The following RUNDC3B variants were observed in gnomAD, a reference collection of about 807,000 sequenced individuals.
The protein encoded by RUNDC3B is RUN domain containing 3B, also known as RUN domain-containing protein 3B.
A neutral mutation model predicts 58.4 loss-of-function variants in RUNDC3B; 33 were observed. The observed-to-expected ratio is 0.56, with a 90% CI of 0.43 to 0.75. RUNDC3B has a LOEUF of 0.75. Among genes scored for constraint, RUNDC3B ranks in the 30% least tolerant of loss-of-function variants. The pLI, the probability that RUNDC3B is intolerant of heterozygous loss-of-function variation, is 0.00. For missense variants in RUNDC3B, 501 were observed against 535.7 expected, an observed-to-expected ratio of 0.94 and a Z score of 0.64; for synonymous variants, 193 against 195.2, an observed-to-expected ratio of 0.99 and a Z score of 0.10.
At chr7:87,637,123 G>A (rs1821857569) in intron 1 of RUNDC3B, among the ~76,000 whole-genome samples, 1 of 152,170 alleles carries the variant, frequency 6.6e-6, no homozygotes, top group African/African-American at 2.4e-5. Context: ...CCCATGATAT[G>A]TGGGGATTAT....
intron 6 of RUNDC3B, among the ~76,000 whole-genome samples, chr7:87,756,933 G>A (rs1833407319): frequency 6.6e-6 from 1 of 151,984 alleles, no homozygotes; most frequent in African/African-American, 2.4e-5. Flanking sequence ...ATGACACTGA[G>A]CTTTGTCAAA....
intron 4 of RUNDC3B, among the ~76,000 whole-genome samples, chr7:87,731,465 A>G (rs1051536182): frequency 1.3e-5 from 2 of 152,172 alleles, no homozygotes; most frequent in African/African-American, 4.8e-5. Context: ...CAAAAGACAT[A>G]AAGAGGAGAA....
In RUNDC3B at chr7:87,700,493, T is replaced by C; in HGVS notation, c.311T>C (p.Val104Ala). 1 of 1,613,736 alleles carries C rather than the reference T, an allele frequency of 6.2e-7. No individual in the cohort carries two copies. The highest frequency in any genetic ancestry group is 8.5e-7 in the Non-Finnish European group (1 of 1,179,768). Reference sequence around the variant, plus strand: ...TATATCAGAGTGGCTTGCCGGAAAGTTTCACAGAATTGTATCTGCAGCATT... The same window carrying C: ...TATATCAGAGTGGCTTGCCGGAAAGCTTCACAGAATTGTATCTGCAGCATT... ...WDYIRVACRKVSQNCICSIEN... is the reference protein window; with the variant it reads ...WDYIRVACRKASQNCICSIEN... Residue 104 changes from valine to alanine, a missense_variant, in exon 3 of 11, where the codon GTT becomes GCT. By Grantham distance (64) the Val-to-Ala change is moderately conservative. Transcript: ENST00000394654.
intron 2 of RUNDC3B, among the ~76,000 whole-genome samples, chr7:87,690,049 C>T (rs1226478770): frequency 2.0e-5 from 3 of 151,838 alleles, no homozygotes; most frequent in Non-Finnish European, 4.4e-5. Context: ...AGTCTGATCT[C>T]GAACCGCTGA....
intron 6 of RUNDC3B, among the ~76,000 whole-genome samples, chr7:87,750,591 TC>T (rs1371492534): frequency 1.3e-5 from 2 of 152,224 alleles, no homozygotes; most frequent in Non-Finnish European, 2.9e-5. Context: ...TCAGATGGTA[TC>T]TCATTGTGGT....
intron 2 of RUNDC3B, among the ~76,000 whole-genome samples, chr7:87,661,263 A>C (rs1585031036): frequency 6.6e-6 from 1 of 152,066 alleles, no homozygotes; most frequent in South Asian, 2.1e-4. Flanking sequence ...CATTACAAAC[A>C]ATTCAATTAT....
At chr7:87,810,138 G>A (rs1836633111) in intron 9 of RUNDC3B, among the ~76,000 whole-genome samples, 1 of 152,054 alleles carries the variant, frequency 6.6e-6, no homozygotes, top group South Asian at 2.1e-4. Flanking sequence ...CAACCAGTTA[G>A]CCAAAGACAA....
At chr7:87,799,747 C>A (rs1836024175) in intron 8 of RUNDC3B, among the ~76,000 whole-genome samples, 1 of 151,960 alleles carries the variant, frequency 6.6e-6, no homozygotes, top group African/African-American at 2.4e-5. Flanking sequence ...ATTAGCTGGG[C>A]ATGGTGGCGT....
At chr7:87,776,433 G>T (rs2130880699) in intron 7 of RUNDC3B, among the ~76,000 whole-genome samples, 1 of 152,086 alleles carries the variant, frequency 6.6e-6, no homozygotes, top group South Asian at 2.1e-4. Flanking sequence ...TTTTCAAAAG[G>T]ATATTGACAA....
At chr7:87,693,811 G>A in intron 2 of RUNDC3B, 1 of 1,116,236 alleles carries the variant, frequency 9.0e-7, no homozygotes, top group Non-Finnish European at 1.3e-6. Context: ...AAAATTATAT[G>A]TAGCCATCTT....
chr7:87,663,641 T>C (rs1824936338), intron 2 of RUNDC3B, among the ~76,000 whole-genome samples: 1 of 152,186 alleles, frequency 6.6e-6, no homozygotes, highest in Admixed American at 6.6e-5. Context: ...AAAATCTTAC[T>C]GAACTTAGGA....
At chr7:87,767,792 C>T (rs1453250157) in intron 6 of RUNDC3B, among the ~76,000 whole-genome samples, 1 of 152,130 alleles carries the variant, frequency 6.6e-6, no homozygotes, top group East Asian at 1.9e-4. Context: ...AGGACTGCAT[C>T]AGCTCCTTGT....
intron 6 of RUNDC3B, among the ~76,000 whole-genome samples, chr7:87,745,557 A>G (rs979075307): frequency 6.6e-6 from 1 of 152,182 alleles, no homozygotes; most frequent in Admixed American, 6.5e-5. Context: ...GTATTTTTCC[A>G]TGAATTTATC....
chr7:87,664,278 A>G (rs1825011289), intron 2 of RUNDC3B, among the ~76,000 whole-genome samples: 1 of 152,092 alleles, frequency 6.6e-6, no homozygotes, highest in African/African-American at 2.4e-5. Flanking sequence ...GTACACTATT[A>G]TTGTACCTGG....
intron 2 of RUNDC3B, among the ~76,000 whole-genome samples, chr7:87,655,846 A>C (rs913460969): frequency 4.6e-5 from 7 of 152,144 alleles, no homozygotes; most frequent in African/African-American, 1.7e-4. Context: ...TTAGCTCATA[A>C]GGGCAGAGCC....
At chr7:87,654,144 A>G (rs530833256) in intron 2 of RUNDC3B, among the ~76,000 whole-genome samples, 1 of 152,034 alleles carries the variant, frequency 6.6e-6, no homozygotes. Flanking sequence ...TAAAATGTTT[A>G]TATTAACAAT....
chr7:87,715,658 G>A (rs986521973), intron 4 of RUNDC3B, among the ~76,000 whole-genome samples: 2 of 150,874 alleles, frequency 1.3e-5, no homozygotes, highest in Non-Finnish European at 2.9e-5. Context: ...TTCATCATAG[G>A]AAGGACAATA....
In RUNDC3B at chr7:87,807,038, C is replaced by T. The variant is rs533826292; in HGVS notation, c.957-335C>T. ...TTTACTTATTAAATATTTTAATTGGCTTGATAACCTGTATCTTTAAGATAT... is the reference window on the plus strand; with the variant it reads ...TTTACTTATTAAATATTTTAATTGGTTTGATAACCTGTATCTTTAAGATAT... On this transcript the variant is annotated intron_variant, in intron 8 of 10. Coordinates refer to ENST00000394654, the MANE Select transcript of RUNDC3B (RefSeq NM_001134405.2). Among the ~76,000 whole-genome samples, 411 of 151,920 alleles carry T rather than the reference C, an allele frequency of 2.7e-3. 1 individual carries two copies. Among genetic ancestry groups the T allele is most frequent in the Middle Eastern group, 6.8e-3 (2 of 294 alleles).
chr7:87,707,361 A>G (rs1829694570), intron 3 of RUNDC3B, among the ~76,000 whole-genome samples: 1 of 152,176 alleles, frequency 6.6e-6, no homozygotes, highest in Admixed American at 6.5e-5. Context: ...TGAAATACAT[A>G]AAATTACTAG....
Sources: allele counts gnomAD v4.1 joint callset (sites outside exome capture counted in the v4.1 genomes callset), GRCh38; gene constraint gnomAD v4.1.1; transcripts MANE v1.5; gene names NCBI Gene and HGNC (gene_info 2026-07-23, HGNC 2026-07-21).